The following FAM240A variants were observed in gnomAD, a reference collection of about 807,000 sequenced individuals.
The protein encoded by FAM240A is protein FAM240A.
A neutral mutation model predicts 7.3 loss-of-function variants in FAM240A; 8 were observed. The ratio of observed to expected loss-of-function variants is 1.09; its 90% CI spans 0.64 to 1.97. The LOEUF is 1.97. FAM240A is among the 30% of genes most tolerant of loss of function. The pLI, the probability that FAM240A is intolerant of heterozygous loss-of-function variation, is 0.00. For missense variants in FAM240A, 90 were observed against 102.2 expected, an observed-to-expected ratio of 0.88 and a Z score of 0.52; for synonymous variants, 32 against 35.9, an observed-to-expected ratio of 0.89 and a Z score of 0.38.
At chr3:46,623,853 G>A (rs374856458) in intron 2 of FAM240A, among the ~76,000 whole-genome samples, 44 of 152,160 alleles carry the variant, frequency 2.9e-4, no homozygotes, top group South Asian at 1.7e-3. Flanking sequence ...TTTTTATTGC[G>A]TTGTTTACAC....
chr3:46,623,359 A>G (rs1395122405), intron 2 of FAM240A, among the ~76,000 whole-genome samples: 1 of 152,182 alleles, frequency 6.6e-6, no homozygotes, highest in East Asian at 1.9e-4. Flanking sequence ...TGTTTGAAAA[A>G]GAATGTGTGT....
intron 2 of FAM240A, among the ~76,000 whole-genome samples, chr3:46,624,855 C>T (rs1407161813): frequency 6.6e-6 from 1 of 151,846 alleles, no homozygotes; most frequent in African/African-American, 2.4e-5. Context: ...CTCTCCCTGA[C>T]TGCAAATATA....
chr3:46,618,854 G>A (rs2891885), intron 2 of FAM240A, among the ~76,000 whole-genome samples: 4,182 of 142,902 alleles, frequency 0.029, 112 homozygotes, highest in African/African-American at 0.058. Context: ...AAGAAAAAAA[G>A]ATATATATAT....
chr3:46,616,240 G>T (rs1230534110), intron 1 of FAM240A, among the ~76,000 whole-genome samples: 1 of 152,246 alleles, frequency 6.6e-6, no homozygotes, highest in African/African-American at 2.4e-5. Flanking sequence ...ACTTGCAGAG[G>T]TCCTGTGGCT....
intron 1 of FAM240A, among the ~76,000 whole-genome samples, chr3:46,615,625 C>T (rs577946370): frequency 2.4e-4 from 37 of 152,142 alleles, no homozygotes; most frequent in Non-Finnish European, 4.9e-4. Context: ...GGTCCAAATC[C>T]TCTCTGGGGC....
At chr3:46,617,074 A>G (rs1575384869) in intron 1 of FAM240A, 109 bp from the exon 2 acceptor site, 4 of 725,820 alleles carry the variant, frequency 5.5e-6, no homozygotes, top group Non-Finnish European at 8.7e-6. Flanking sequence ...TTGGAGTAAG[A>G]TGGTAGGTAT....
intron 2 of FAM240A, among the ~76,000 whole-genome samples, chr3:46,620,538 G>A (rs1373634509): frequency 2.7e-5 from 4 of 149,676 alleles, no homozygotes; most frequent in Non-Finnish European, 4.4e-5. Flanking sequence ...AACTTCTAGT[G>A]CTAGCCACTA....
At chr3:46,614,920 T>A (rs982927043) in intron 1 of FAM240A, among the ~76,000 whole-genome samples, 14 of 152,150 alleles carry the variant, frequency 9.2e-5, no homozygotes, top group African/African-American at 3.4e-4. Context: ...GACTAATGAA[T>A]CCCTATGCCA....
chr3:46,622,109 T>TTA (rs1162304957), intron 2 of FAM240A, among the ~76,000 whole-genome samples: 3 of 134,592 alleles, frequency 2.2e-5, no homozygotes, highest in African/African-American at 8.3e-5. Context: ...AAATTTTCTT[T>TTA]TTTTTTTTTT....
intron 2 of FAM240A, among the ~76,000 whole-genome samples, chr3:46,622,348 T>G (rs972703980): frequency 6.6e-6 from 1 of 151,956 alleles, no homozygotes; most frequent in Non-Finnish European, 1.5e-5. Flanking sequence ...CCTCGTGATC[T>G]GCCCGCCTCG....
chr3:46,621,708 C>T (rs1256441460), intron 2 of FAM240A, among the ~76,000 whole-genome samples: 3 of 151,558 alleles, frequency 2.0e-5, no homozygotes, highest in Admixed American at 6.6e-5. Flanking sequence ...CTCGGGAGGT[C>T]GAGGCTGCAG....
At chr3:46,615,121 G>A (rs1372384714) in intron 1 of FAM240A, among the ~76,000 whole-genome samples, 12 of 152,126 alleles carry the variant, frequency 7.9e-5, no homozygotes, top group East Asian at 3.9e-4. Flanking sequence ...GTGGAAACAC[G>A]GGTCTGGAGT....
intron 2 of FAM240A, among the ~76,000 whole-genome samples, chr3:46,623,409 A>G (rs971218805): frequency 9.9e-5 from 15 of 152,206 alleles, no homozygotes; most frequent in African/African-American, 3.4e-4. Context: ...AATATTGATT[A>G]TATCAAGTTG....
At position 46,626,452 on chromosome 3, in the gene FAM240A, T is replaced by G. The variant is rs952029102; in HGVS notation, c.*1234T>G. 7 of 152,226 alleles carry G rather than the reference T, an allele frequency of 4.6e-5. No individual in the cohort carries two copies. The highest frequency in any genetic ancestry group is 1.4e-4 in the African/African-American group (6 of 41,448). 9.4% of individuals were successfully genotyped at this position (152,226 alleles called of 1,614,324 possible). On this transcript the variant is annotated 3_prime_UTR_variant, in exon 3 of 3. Coordinates refer to ENST00000640551, the MANE Select transcript of FAM240A (RefSeq NM_001195442.2). ...TGAAAATGCTATATAAACTGCATGC[T>G]TTTTACAAACAGTAGTGGTTCTCTT... is the stretch of plus-strand genomic sequence containing the variant.
At chr3:46,623,333 G>A (rs933493419) in intron 2 of FAM240A, among the ~76,000 whole-genome samples, 6 of 151,988 alleles carry the variant, frequency 3.9e-5, no homozygotes, top group African/African-American at 7.2e-5. Context: ...TTCTATCTTC[G>A]TAAATATTCC....
intron 1 of FAM240A, among the ~76,000 whole-genome samples, chr3:46,616,476 A>G (rs777949758): frequency 1.3e-5 from 2 of 152,104 alleles, no homozygotes; most frequent in Admixed American, 6.5e-5. Flanking sequence ...GTGACATTTT[A>G]TCCCTAACCT....
At chr3:46,614,932 A>C (rs992047187) in intron 1 of FAM240A, among the ~76,000 whole-genome samples, 1 of 152,232 alleles carries the variant, frequency 6.6e-6, no homozygotes, top group Non-Finnish European at 1.5e-5. Flanking sequence ...CCTATGCCAG[A>C]CAACAGTCAG....
intron 1 of FAM240A, among the ~76,000 whole-genome samples, chr3:46,616,109 T>G (rs1697626609): frequency 6.6e-6 from 1 of 152,188 alleles, no homozygotes; most frequent in South Asian, 2.1e-4. Flanking sequence ...GATTCTTCTG[T>G]GAGGAGGAAG....
intron 1 of FAM240A, among the ~76,000 whole-genome samples, chr3:46,614,167 T>G (rs968147325): frequency 6.6e-6 from 1 of 152,138 alleles, no homozygotes; most frequent in African/African-American, 2.4e-5. Context: ...CAAGTGATCC[T>G]CCAGCCTCAG....
Sources: allele counts gnomAD v4.1 joint callset (sites outside exome capture counted in the v4.1 genomes callset), GRCh38; gene constraint gnomAD v4.1.1; transcripts MANE v1.5; gene names NCBI Gene and HGNC (gene_info 2026-07-23, HGNC 2026-07-21).